The following IL1RAP variants were observed in gnomAD, a reference collection of about 807,000 sequenced individuals.
IL1RAP encodes interleukin 1 receptor accessory protein.
A neutral mutation model predicts 60.7 loss-of-function variants in IL1RAP; 35 were observed. The ratio of observed to expected loss-of-function variants is 0.58; its 90% CI spans 0.44 to 0.76. IL1RAP has a LOEUF of 0.76. IL1RAP is among the 30% of genes least tolerant of loss of function. The pLI, the probability that IL1RAP is intolerant of heterozygous loss-of-function variation, is 0.00. For synonymous variants in IL1RAP, 268 were observed against 250.9 expected (o/e 1.07, Z -0.64); for missense variants, 572 against 693.9 (o/e 0.82, Z 1.97).
chr3:190,582,389 G>A lies in IL1RAP; in HGVS notation c.64+18036G>A, dbSNP rs148589216. On this transcript the variant is annotated intron_variant, in intron 3 of 11. Coordinates refer to ENST00000447382, the MANE Select transcript of IL1RAP (RefSeq NM_002182.4). The stretch of plus-strand genomic sequence containing the variant: ...GGCTGGAGTTCAGTGGCACGATCTC[G>A]GCTCACTGCAACCTCCACCTCCCGG... 1.0e-3 allele frequency among the ~76,000 whole-genome samples: 156 copies of A among 150,204 alleles called. 1 individual carries two copies. Among genetic ancestry groups the A allele is most frequent in the African/African-American group, 3.8e-3 (154 of 40,718 alleles).
intron 6 of IL1RAP, 53 bp downstream of exon 6, chr3:190,620,493 T>C (rs552573163): frequency 2.0e-6 from 3 of 1,467,898 alleles, no homozygotes; most frequent in East Asian, 2.3e-5. Flanking sequence ...CATCTTGTTA[T>C]GGTTTTTAAT....
At chr3:190,589,561 T>C (rs538220802) in intron 3 of IL1RAP, among the ~76,000 whole-genome samples, 2 of 152,248 alleles carry the variant, frequency 1.3e-5, no homozygotes, top group African/African-American at 4.8e-5. Context: ...GTGATGAAGA[T>C]CATAAATGTT....
intron 4 of IL1RAP, among the ~76,000 whole-genome samples, chr3:190,606,979 A>C (rs778377003): frequency 3.3e-5 from 5 of 152,158 alleles, no homozygotes; most frequent in Non-Finnish European, 7.3e-5. Flanking sequence ...CTTAAACTTA[A>C]ATTTACTTTC....
chr3:190,629,184 A>T (rs975948908), intron 8 of IL1RAP, among the ~76,000 whole-genome samples, 166 bp from the exon 9 acceptor site: 3 of 152,162 alleles, frequency 2.0e-5, no homozygotes, highest in Admixed American at 2.0e-4. Context: ...TTAGAATCTT[A>T]CCATTAATAC....
At chr3:190,658,972 A>G (rs1577843712) in exon 12 of IL1RAP, 1 of 152,298 alleles carries the variant, frequency 6.6e-6, no homozygotes, top group Middle Eastern at 3.4e-3. Flanking sequence ...CTTGTAAAGA[A>G]TAATCCATCC....
intron 2 of IL1RAP, among the ~76,000 whole-genome samples, chr3:190,563,776 A>C (rs1028470344): frequency 6.6e-6 from 1 of 152,202 alleles, no homozygotes; most frequent in Non-Finnish European, 1.5e-5. Context: ...TAAAAGGGAA[A>C]AGTACCTGGA....
At chr3:190,523,805 T>G (rs546568744) in intron 1 of IL1RAP, among the ~76,000 whole-genome samples, 1 of 152,356 alleles carries the variant, frequency 6.6e-6, no homozygotes, top group African/African-American at 2.4e-5. Flanking sequence ...TCTTTGCTAT[T>G]GTGAATAGTG....
intron 3 of IL1RAP, among the ~76,000 whole-genome samples, chr3:190,595,975 C>T (rs1051095377): frequency 1.3e-5 from 2 of 152,132 alleles, no homozygotes; most frequent in African/African-American, 2.4e-5. Flanking sequence ...GTTTTGCATG[C>T]TAGGACTTTT....
At chr3:190,606,715 C>G (rs140064385) in intron 4 of IL1RAP, among the ~76,000 whole-genome samples, 115 of 152,230 alleles carry the variant, frequency 7.6e-4, no homozygotes, top group African/African-American at 2.7e-3. Context: ...GTTCCTAAAG[C>G]AAATCTAGAA....
At chr3:190,594,604 A>G (rs780525929) in intron 3 of IL1RAP, among the ~76,000 whole-genome samples, 13 of 152,184 alleles carry the variant, frequency 8.5e-5, no homozygotes, top group Non-Finnish European at 1.5e-4. Flanking sequence ...ACCTGACCAC[A>G]TCCAGGTGAG....
At chr3:190,643,086 C>A (rs1256627918) in intron 9 of IL1RAP, among the ~76,000 whole-genome samples, 1 of 152,040 alleles carries the variant, frequency 6.6e-6, no homozygotes, top group Non-Finnish European at 1.5e-5. Context: ...ATAATCTCTA[C>A]CTGAAAGACT....
chr3:190,642,738 G>A (rs1733745836), intron 9 of IL1RAP, among the ~76,000 whole-genome samples: 1 of 151,904 alleles, frequency 6.6e-6, no homozygotes, highest in African/African-American at 2.4e-5. Context: ...CATATTTACT[G>A]CCCTGAATTA....
At chr3:190,629,528 C>G in intron 9 of IL1RAP, 30 bp downstream of exon 9, 1 of 1,584,270 alleles carries the variant, frequency 6.3e-7, no homozygotes, top group Non-Finnish European at 8.6e-7. Context: ...ATGAATCTCT[C>G]AGCTCCAAAT....
In IL1RAP at chr3:190,575,109, G is replaced by A. The variant is rs182661086; in HGVS notation, c.64+10756G>A. Among the ~76,000 whole-genome samples, 374 of 152,208 alleles carry A rather than the reference G, an allele frequency of 2.5e-3. 2 individuals carry two copies. Among genetic ancestry groups the A allele is most frequent in the African/African-American group, 8.7e-3 (361 of 41,544 alleles). ...GTACCTTTGTGATTTAATAGAAACTGGTCAAAGATCTATATAACCTCCACA... is the reference window on the plus strand; with the variant it reads ...GTACCTTTGTGATTTAATAGAAACTAGTCAAAGATCTATATAACCTCCACA... On this transcript the variant is annotated intron_variant, in intron 3 of 11. Transcript: ENST00000447382.
chr3:190,600,966 T>C (rs977153650), intron 3 of IL1RAP, among the ~76,000 whole-genome samples: 11 of 152,180 alleles, frequency 7.2e-5, no homozygotes, highest in African/African-American at 2.7e-4. Context: ...GATTATGTAT[T>C]AAACATTATT....
chr3:190,641,927 A>G (rs1354858116), intron 9 of IL1RAP, among the ~76,000 whole-genome samples: 4 of 152,194 alleles, frequency 2.6e-5, no homozygotes, highest in Non-Finnish European at 5.9e-5. Flanking sequence ...GGAATTTATG[A>G]TGGAGTTTTC....
intron 3 of IL1RAP, among the ~76,000 whole-genome samples, chr3:190,572,868 T>TTTTTTTTG (rs1553840878): frequency 2.7e-5 from 1 of 36,504 alleles, no homozygotes; most frequent in East Asian, 4.0e-4. Flanking sequence ...TGTTTTTTTT[T>TTTTTTTTG]TTTTTTTTTT....
chr3:190,646,580 C>T (rs1734032000), intron 11 of IL1RAP, among the ~76,000 whole-genome samples: 3 of 152,162 alleles, frequency 2.0e-5, no homozygotes, highest in African/African-American at 7.2e-5. Flanking sequence ...CACAGTAACA[C>T]ACAAAGTAAT....
At chr3:190,564,220 C>T in intron 2 of IL1RAP, 69 bp from the exon 3 acceptor site, 1 of 956,220 alleles carries the variant, frequency 1.0e-6, no homozygotes, top group Non-Finnish European at 1.7e-6. Context: ...GGCATGAATG[C>T]TAGTTATTAT....
Sources: allele counts gnomAD v4.1 joint callset (sites outside exome capture counted in the v4.1 genomes callset), GRCh38; gene constraint gnomAD v4.1.1; transcripts MANE v1.5; gene names NCBI Gene and HGNC (gene_info 2026-07-23, HGNC 2026-07-21).